The following PRDM11 variants were observed in gnomAD, a reference collection of about 807,000 sequenced individuals.
PRDM11 encodes PR/SET domain 11, also known as PR domain-containing protein 11.
PRDM11 carries 20 observed loss-of-function variants against 97.8 expected under a neutral mutation model. The ratio of observed to expected loss-of-function variants is 0.20; its 90% CI spans 0.14 to 0.30. PRDM11 has a LOEUF of 0.30. PRDM11 is among the 10% of genes least tolerant of loss of function. PRDM11 has a pLI of 1.00. For synonymous variants in PRDM11, 599 were observed against 637.7 expected, an observed-to-expected ratio of 0.94 and a Z score of 0.91; for missense variants, 1,139 against 1,555.2, an observed-to-expected ratio of 0.73 and a Z score of 4.50.
chr11:45,108,597 G>C (rs1452855153), intron 1 of PRDM11, among the ~76,000 whole-genome samples: 1 of 151,400 alleles, frequency 6.6e-6, no homozygotes, highest in Non-Finnish European at 1.5e-5. Flanking sequence ...TCCAGAGGCA[G>C]GTGTGTCCTC....
chr11:45,186,315 G>A (rs1852703693), intron 4 of PRDM11, among the ~76,000 whole-genome samples: 1 of 152,146 alleles, frequency 6.6e-6, no homozygotes, highest in Non-Finnish European at 1.5e-5. Flanking sequence ...TTCTGCTTGG[G>A]ATGAGTAGAG....
intron 1 of PRDM11, among the ~76,000 whole-genome samples, chr11:45,103,365 A>G (rs943002884): frequency 6.6e-6 from 1 of 152,184 alleles, no homozygotes; most frequent in African/African-American, 2.4e-5. Flanking sequence ...GAGGAAGAGG[A>G]GGAAGATGAG....
intron 4 of PRDM11, among the ~76,000 whole-genome samples, chr11:45,187,638 TGCAGCCA>T (rs924718755): frequency 1.5e-4 from 23 of 152,118 alleles, no homozygotes; most frequent in African/African-American, 2.4e-4. Context: ...GGGCCTTAGC[TGCAGCCA>T]GCAGCCAGCA....
chr11:45,101,347 G>C (rs1216563443), intron 1 of PRDM11, among the ~76,000 whole-genome samples: 2 of 152,118 alleles, frequency 1.3e-5, no homozygotes, highest in African/African-American at 4.8e-5. Flanking sequence ...CACGAGGTCA[G>C]GAGATCGAGA....
intron 4 of PRDM11, among the ~76,000 whole-genome samples, chr11:45,184,592 G>T (rs1333338175): frequency 6.6e-6 from 1 of 152,178 alleles, no homozygotes; most frequent in Non-Finnish European, 1.5e-5. Context: ...GGAGCAGGAG[G>T]TATCAAGGAC....
In PRDM11 at chr11:45,181,812, G is replaced by C; in HGVS notation, c.46G>C (p.Val16Leu). 1.9e-6 allele frequency: 3 copies of C among 1,613,680 alleles called. No homozygotes were observed. The highest frequency in any genetic ancestry group is 2.5e-6 in the Non-Finnish European group (3 of 1,179,966). Residue 16 changes from valine to leucine, a missense_variant, in exon 2 of 8, where the codon GTG (valine) becomes CTG (leucine). Val to Leu is a conservative substitution (Grantham distance 32). Transcript: ENST00000683152. ...GTGCTTGGCCCAGACCAATGCAGCC[G>C]TGGGGGATATGGTGACGGTGGTGAA... ...KECLAQTNAAVGDMVTVVKTE... is the reference protein window; with the variant it reads ...KECLAQTNAALGDMVTVVKTE...
Position 45,225,976 on chromosome 11 carries a change from T to C in PRDM11, c.1370-19T>C. 1 of 1,468,342 alleles carries C rather than the reference T, an allele frequency of 6.8e-7. No homozygotes were observed. The highest frequency in any genetic ancestry group is 1.4e-5 in the South Asian group (1 of 73,416). 91.0% of individuals were successfully genotyped at this position (1,468,342 alleles called of 1,614,324 possible). On this transcript the variant is annotated intron_variant, in intron 7 of 7. Coordinates refer to ENST00000683152, the MANE Select transcript of PRDM11 (RefSeq NM_001384648.1). ...TTTCTCCCCCAGGTATAAATGTTTC[T>C]TTCCCATTTGTTTTTCAGCCTCAGA...
upstream of PRDM11, among the ~76,000 whole-genome samples, chr11:45,141,759 T>C (rs1438014431): frequency 1.3e-5 from 2 of 152,164 alleles, no homozygotes; most frequent in African/African-American, 4.8e-5. Context: ...ACCCCACCCA[T>C]GCCTGAAAGG....
At position 45,199,001 on chromosome 11, in the gene PRDM11, G is replaced by GTCAATAGTGTCAAATAGTGTCACTA. The variant is rs372441961; in HGVS notation, c.487-5709_487-5708insCAATAGTGTCAAATAGTGTCACTAT. Among the ~76,000 whole-genome samples the GTCAATAGTGTCAAATAGTGTCACTA allele has an allele frequency of 1.6e-3, 250 of 152,316 alleles. 1 individual carries two copies. The highest frequency in any genetic ancestry group is 5.6e-3 in the African/African-American group (233 of 41,566). ...CATAGTAGCTGTGAGAATTAATAGT[G>GTCAATAGTGTCAAATAGTGTCACTA]TGTCAAAGCACTTGACATAGTGAAG... On this transcript the variant is annotated intron_variant, in intron 4 of 7. Transcript: ENST00000683152.
At chr11:45,101,603 G>T (rs528368104) in intron 1 of PRDM11, among the ~76,000 whole-genome samples, 2 of 149,586 alleles carry the variant, frequency 1.3e-5, no homozygotes, top group Non-Finnish European at 3.0e-5. Flanking sequence ...AGAAGAAGGC[G>T]TTCAGGGCTC....
At chr11:45,102,551 T>C (rs1189234956) in intron 1 of PRDM11, among the ~76,000 whole-genome samples, 1 of 151,978 alleles carries the variant, frequency 6.6e-6, no homozygotes, top group Admixed American at 6.6e-5. Context: ...AGCAATAACG[T>C]CTTCTGTGGG....
intron 1 of PRDM11, among the ~76,000 whole-genome samples, chr11:45,169,012 G>A (rs1256382890): frequency 6.6e-6 from 1 of 152,100 alleles, no homozygotes; most frequent in Non-Finnish European, 1.5e-5. Context: ...AGGACTTCAG[G>A]GCCCTCTTCC....
At chr11:45,133,412 A>G (rs1852763578) in intron 1 of PRDM11, among the ~76,000 whole-genome samples, 1 of 152,256 alleles carries the variant, frequency 6.6e-6, no homozygotes, top group Non-Finnish European at 1.5e-5. Context: ...TTGGTTCCCA[A>G]GATGACTTGC....
chr11:45,186,977 T>C (rs1852726810), intron 4 of PRDM11, among the ~76,000 whole-genome samples: 2 of 152,210 alleles, frequency 1.3e-5, no homozygotes, highest in African/African-American at 4.8e-5. Context: ...TTTGGTTATG[T>C]GTCCAGGTTC....
intron 1 of PRDM11, among the ~76,000 whole-genome samples, chr11:45,114,904 A>G (rs1371307748): frequency 1.3e-5 from 2 of 152,174 alleles, no homozygotes; most frequent in Non-Finnish European, 2.9e-5. Flanking sequence ...ATGAAAATTG[A>G]GAAAACTCAC....
intron 7 of PRDM11, 101 bp downstream of exon 7, chr11:45,224,944 C>A (rs1357316615): frequency 1.3e-6 from 2 of 1,587,656 alleles, no homozygotes; most frequent in Middle Eastern, 3.5e-4. Flanking sequence ...TTCCGGGAGA[C>A]CTGAGGAGTG....
chr11:45,122,419 C>T (rs1852456387), intron 1 of PRDM11, among the ~76,000 whole-genome samples: 2 of 151,280 alleles, frequency 1.3e-5, no homozygotes, highest in South Asian at 4.2e-4. Context: ...ATACATATGC[C>T]ATGTTGGTGT....
At chr11:45,148,901 AC>A (rs1330197329) in intron 1 of PRDM11, among the ~76,000 whole-genome samples, 2 of 152,194 alleles carry the variant, frequency 1.3e-5, no homozygotes, top group South Asian at 4.2e-4. Flanking sequence ...GGCATGACAA[AC>A]CCACAGTGGC....
Position 45,228,062 on chromosome 11 carries a change from C to T in PRDM11, c.3437C>T (p.Ala1146Val), listed in dbSNP as rs767561873. 66 of 1,533,628 alleles carry T rather than the reference C, an allele frequency of 4.3e-5. No homozygotes were observed. Among genetic ancestry groups the T allele is most frequent in the African/African-American group, 1.6e-4 (12 of 72,906 alleles). ...GAGGAGAAGTCTGGGAACAGTTACGCGCTGTCTGCAGAAGTCCTCAGTAGG... is the reference window on the plus strand; with the variant it reads ...GAGGAGAAGTCTGGGAACAGTTACGTGCTGTCTGCAGAAGTCCTCAGTAGG... The part of the protein sequence containing the change: ...WFEEKSGNSY[A>V]LSAEVLSRMS... Residue 1146 changes from alanine (A) to valine (V), a missense_variant, in exon 8 of 8, where the codon GCG becomes GTG. Ala to Val is a moderately conservative substitution (Grantham distance 64). Around this residue, in one of 2 missense-constraint regions of PRDM11, gnomAD observed 710 missense variants for 1,044.9 expected, o/e 0.68. Coordinates refer to ENST00000683152, the MANE Select transcript of PRDM11 (RefSeq NM_001384648.1).
Sources: gnomAD v4.1 joint callset for allele counts (sites outside exome capture counted in the v4.1 genomes callset) on GRCh38, gnomAD v4.1.1 for gene constraint, gnomAD v4.1.1 regional missense constraint, MANE v1.5 for transcripts, NCBI Gene and HGNC (gene_info 2026-07-23, HGNC 2026-07-21) for gene names.